The following IPCEF1 variants were observed in gnomAD, a reference collection of about 807,000 sequenced individuals.
The protein encoded by IPCEF1 is interactor protein for cytohesin exchange factors 1.
In IPCEF1, 31 loss-of-function variants were observed where a neutral mutation model predicts 50.9. The observed-to-expected ratio is 0.61, with a 90% CI of 0.46 to 0.82. The LOEUF (loss-of-function observed/expected upper bound fraction) is 0.82. IPCEF1 is among the 40% of genes least tolerant of loss of function. The pLI is 0.00. For missense variants in IPCEF1, 458 were observed against 514.0 expected, an observed-to-expected ratio of 0.89 and a Z score of 1.05; for synonymous variants, 181 against 192.0, an observed-to-expected ratio of 0.94 and a Z score of 0.47.
rs536567739 is a variant in IPCEF1, at chr6:154,341,662, T to C, written c.-62+15010A>G. On this transcript the variant is annotated intron_variant, in intron 1 of 11. Coordinates refer to ENST00000367220, the MANE Select transcript of IPCEF1 (RefSeq NM_001130700.2). ...TCTTCCTCCTTTTGGCTCTTTTTCC[T>C]GTGTCCACTGGAAGGTTCAATGCGT... Among the ~76,000 whole-genome samples, 92 of 152,284 alleles carry C rather than the reference T, an allele frequency of 6.0e-4. 1 individual carries two copies. The highest frequency in any genetic ancestry group is 2.2e-3 in the African/African-American group (90 of 41,552).
intron 1 of IPCEF1, among the ~76,000 whole-genome samples, chr6:154,342,380 T>C (rs1276040954): frequency 6.6e-6 from 1 of 152,224 alleles, no homozygotes; most frequent in Non-Finnish European, 1.5e-5. Flanking sequence ...TGTAGATTTC[T>C]GGGCATTGAC....
At chr6:154,295,715 G>C (rs1782632815) in intron 1 of IPCEF1, among the ~76,000 whole-genome samples, 1 of 152,194 alleles carries the variant, frequency 6.6e-6, no homozygotes, top group Non-Finnish European at 1.5e-5. Flanking sequence ...AGCTAAGTCT[G>C]TACATGTCTA....
chr6:154,218,375 ACT>A (rs1287062576), intron 7 of IPCEF1, among the ~76,000 whole-genome samples: 1 of 152,120 alleles, frequency 6.6e-6, no homozygotes, highest in Non-Finnish European at 1.5e-5. Context: ...TTAAATTGAG[ACT>A]CACTACAGAA....
rs1476873087 is a variant in IPCEF1, at chr6:154,300,361, CAG to C, written c.-61-10607_-61-10606del. The stretch of plus-strand genomic sequence containing the variant: ...ATGTGATGGCTCATGCCTGTAATCT[CAG>C]AATTTTAGGAAGCTGAGGCAGGAGG... On this transcript the variant is annotated intron_variant, in intron 1 of 11. Transcript: ENST00000367220. 6.0e-4 allele frequency among the ~76,000 whole-genome samples: 91 copies of C among 150,662 alleles called. 10 individuals carry two copies. Among genetic ancestry groups the C allele is most frequent in the Admixed American group, 8.6e-4 (13 of 15,106 alleles).
intron 10 of IPCEF1, among the ~76,000 whole-genome samples, chr6:154,190,144 A>G (rs1470982106): frequency 2.6e-5 from 4 of 152,174 alleles, no homozygotes; most frequent in African/African-American, 7.2e-5. Context: ...CTCACAAAAT[A>G]TAAGACTGTC....
At chr6:154,209,947 G>C (rs1270389869) in intron 9 of IPCEF1, among the ~76,000 whole-genome samples, 2 of 152,144 alleles carry the variant, frequency 1.3e-5, no homozygotes, top group Non-Finnish European at 2.9e-5. Context: ...ACATTTGATT[G>C]ATGATTCAAA....
At chr6:154,203,642 T>C (rs1488543965) in intron 9 of IPCEF1, among the ~76,000 whole-genome samples, 2 of 152,162 alleles carry the variant, frequency 1.3e-5, no homozygotes, top group East Asian at 1.9e-4. Context: ...ATGGGGTTCC[T>C]GGAACTAAAC....
At chr6:154,310,543 T>G (rs527732742) in intron 1 of IPCEF1, among the ~76,000 whole-genome samples, 7 of 152,276 alleles carry the variant, frequency 4.6e-5, no homozygotes, top group Admixed American at 1.3e-4. Flanking sequence ...TGGGTGTATA[T>G]CCAAAGAAAT....
At chr6:154,230,543 T>A (rs1779638713) in intron 5 of IPCEF1, among the ~76,000 whole-genome samples, 1 of 152,140 alleles carries the variant, frequency 6.6e-6, no homozygotes, top group Non-Finnish European at 1.5e-5. Flanking sequence ...CCTACACATG[T>A]CAGAAAAGCA....
At chr6:154,293,070 G>A (rs374956492) in intron 1 of IPCEF1, among the ~76,000 whole-genome samples, 1 of 152,138 alleles carries the variant, frequency 6.6e-6, no homozygotes, top group African/African-American at 2.4e-5. Context: ...TTTTTGCCGT[G>A]GGGGCCTCAC....
intron 3 of IPCEF1, among the ~76,000 whole-genome samples, chr6:154,263,558 G>A (rs1368703940): frequency 1.1e-5 from 1 of 94,908 alleles, no homozygotes; most frequent in Non-Finnish European, 2.2e-5. Flanking sequence ...GCACAGGGTT[G>A]GGGGTAAGGT....
chr6:154,283,622 T>G (rs1200158300), intron 2 of IPCEF1, among the ~76,000 whole-genome samples: 3 of 152,080 alleles, frequency 2.0e-5, no homozygotes, highest in Admixed American at 6.6e-5. Context: ...TTAAATAAAT[T>G]TTTAAAAAGA....
At chr6:154,295,892 C>T (rs560630417) in intron 1 of IPCEF1, among the ~76,000 whole-genome samples, 2 of 109,498 alleles carry the variant, frequency 1.8e-5, no homozygotes, top group Admixed American at 2.2e-4. Context: ...CACACACATG[C>T]GTACACACAC....
At chr6:154,235,166 A>G (rs1368069683) in intron 5 of IPCEF1, among the ~76,000 whole-genome samples, 1 of 152,220 alleles carries the variant, frequency 6.6e-6, no homozygotes, top group Non-Finnish European at 1.5e-5. Context: ...ACGAGTTGGG[A>G]GAAGAATAGA....
chr6:154,240,676 C>T (rs1485653933), intron 5 of IPCEF1, among the ~76,000 whole-genome samples: 1 of 152,184 alleles, frequency 6.6e-6, no homozygotes, highest in East Asian at 1.9e-4. Context: ...TCTCATAAAA[C>T]TGATTTCAAG....
At chr6:154,339,388 G>A (rs1783855701) in intron 1 of IPCEF1, among the ~76,000 whole-genome samples, 1 of 150,954 alleles carries the variant, frequency 6.6e-6, no homozygotes, top group South Asian at 2.1e-4. Context: ...AGAGTACATT[G>A]AGTAATAATT....
intron 9 of IPCEF1, among the ~76,000 whole-genome samples, chr6:154,204,808 C>A (rs988730787): frequency 2.0e-5 from 3 of 152,146 alleles, no homozygotes; most frequent in African/African-American, 7.2e-5. Flanking sequence ...TGCAGAAAAC[C>A]CTCTTATAAC....
intron 10 of IPCEF1, among the ~76,000 whole-genome samples, chr6:154,169,136 G>C (rs1399131371): frequency 2.0e-5 from 3 of 152,144 alleles, no homozygotes; most frequent in African/African-American, 7.2e-5. Context: ...CAAGGCAGGA[G>C]GATCGCCTGA....
chr6:154,317,634 A>G (rs1783258043), intron 1 of IPCEF1, among the ~76,000 whole-genome samples: 1 of 151,686 alleles, frequency 6.6e-6, no homozygotes, highest in Non-Finnish European at 1.5e-5. Flanking sequence ...TACATAAAAC[A>G]GTGCTCAACA....
Sources: gnomAD v4.1 joint callset for allele counts (sites outside exome capture counted in the v4.1 genomes callset) on GRCh38, gnomAD v4.1.1 for gene constraint, MANE v1.5 for transcripts, NCBI Gene and HGNC (gene_info 2026-07-23, HGNC 2026-07-21) for gene names.